Variants in CLEC2L observed in about 807,000 individuals in gnomAD.
CLEC2L encodes C-type lectin domain family 2, member L.
CLEC2L carries 14 observed loss-of-function variants against 23.6 expected under a neutral mutation model. The observed-to-expected ratio is 0.59, with a 90% CI of 0.39 to 0.93. The LOEUF is 0.93. CLEC2L is among the 40% of genes least tolerant of loss of function. CLEC2L has a pLI of 0.00. For missense variants in CLEC2L, 264 were observed against 282.4 expected, an observed-to-expected ratio of 0.93 and a Z score of 0.47; for synonymous variants, 114 against 121.3, an observed-to-expected ratio of 0.94 and a Z score of 0.40.
chr7:139,541,154 G>C (rs113422230), intron 3 of CLEC2L, among the ~76,000 whole-genome samples: 3,947 of 152,078 alleles, frequency 0.026, 163 homozygotes, highest in African/African-American at 0.089. Context: ...GACTGCAGCT[G>C]TGCACCACCA....
At chr7:139,542,463 C>A (rs890222113) in intron 4 of CLEC2L, among the ~76,000 whole-genome samples, 2 of 152,194 alleles carry the variant, frequency 1.3e-5, no homozygotes, top group African/African-American at 2.4e-5. Flanking sequence ...TCAGCCAGAA[C>A]GGGACAGAGA....
At chr7:139,543,310 G>A (rs1231789586) in intron 4 of CLEC2L, among the ~76,000 whole-genome samples, 1 of 152,162 alleles carries the variant, frequency 6.6e-6, no homozygotes, top group Non-Finnish European at 1.5e-5. Context: ...TGGCTGAGGA[G>A]GTCTTGCGCT....
At chr7:139,529,583 C>T (rs1450677889) in intron 1 of CLEC2L, among the ~76,000 whole-genome samples, 5 of 152,168 alleles carry the variant, frequency 3.3e-5, no homozygotes, top group African/African-American at 1.2e-4. Context: ...ACAGAGAGAG[C>T]CCAGTCCTCC....
intron 4 of CLEC2L, among the ~76,000 whole-genome samples, chr7:139,543,442 A>T (rs930709804): frequency 6.6e-6 from 1 of 152,186 alleles, no homozygotes; most frequent in Non-Finnish European, 1.5e-5. Flanking sequence ...CAGACACTGC[A>T]GAGGTCCTTT....
At chr7:139,527,575 G>GTA (rs1797522636) in intron 1 of CLEC2L, among the ~76,000 whole-genome samples, 1 of 152,184 alleles carries the variant, frequency 6.6e-6, no homozygotes, top group South Asian at 2.1e-4. Flanking sequence ...CCAGCCTGGG[G>GTA]TATAAGGCTA....
chr7:139,541,991 C>A (rs1797741279), intron 3 of CLEC2L, 30 bp from the exon 4 acceptor site: 2 of 1,504,874 alleles, frequency 1.3e-6, no homozygotes, highest in Non-Finnish European at 1.8e-6. Context: ...CCGCATCTGA[C>A]CCTGAGGTGT....
intron 1 of CLEC2L, among the ~76,000 whole-genome samples, chr7:139,530,344 G>A (rs1043695011): frequency 6.6e-6 from 1 of 152,218 alleles, no homozygotes; most frequent in Non-Finnish European, 1.5e-5. Flanking sequence ...AGAGAGCAGA[G>A]GAGTTACCTG....
chr7:139,526,311 C>A (rs937385787), intron 1 of CLEC2L, among the ~76,000 whole-genome samples: 1 of 152,024 alleles, frequency 6.6e-6, no homozygotes, highest in Non-Finnish European at 1.5e-5. Context: ...CTAGTTTGTC[C>A]CATGTAGGAA....
At chr7:139,542,813 C>G (rs766333553) in intron 4 of CLEC2L, among the ~76,000 whole-genome samples, 1 of 151,940 alleles carries the variant, frequency 6.6e-6, no homozygotes, top group Non-Finnish European at 1.5e-5. Context: ...GAGTGGGTGG[C>G]AGATGTGTGG....
chr7:139,537,813 G>A (rs971739386), intron 2 of CLEC2L, among the ~76,000 whole-genome samples: 1 of 152,242 alleles, frequency 6.6e-6, no homozygotes, highest in Non-Finnish European at 1.5e-5. Flanking sequence ...AACATGCTAA[G>A]TGGAAGAGGC....
At position 139,544,277 on chromosome 7, in the gene CLEC2L, A is replaced by G. The variant is rs199692976; in HGVS notation, c.580A>G (p.Arg194Gly). The change falls in exon 5 of 5, where the codon AGG becomes GGG. Residue 194 changes from arginine to glycine, a missense_variant. Physicochemically the swap from Arg to Gly is moderately radical, Grantham distance 125. Transcript: ENST00000422142. ...PGECVFVEPT[R>G]LVSTECLMTR... Reference sequence around the variant, plus strand: ...GGAGTGTGTCTTCGTGGAGCCCACCAGGCTGGTGTCGACGGAGTGTCTGAT... The same window carrying G: ...GGAGTGTGTCTTCGTGGAGCCCACCGGGCTGGTGTCGACGGAGTGTCTGAT... The G allele has an allele frequency of 6.2e-7, 1 of 1,613,542 alleles. No individual in the cohort carries two copies. Among genetic ancestry groups the G allele is most frequent in the Non-Finnish European group, 8.5e-7 (1 of 1,179,740 alleles).
At chr7:139,524,296 G>A (rs1319345333) in intron 1 of CLEC2L, among the ~76,000 whole-genome samples, 179 bp downstream of exon 1, 2 of 152,226 alleles carry the variant, frequency 1.3e-5, no homozygotes, top group Admixed American at 1.3e-4. Context: ...TCGTGGGGTG[G>A]GGTGGGAGGG....
intron 1 of CLEC2L, among the ~76,000 whole-genome samples, chr7:139,533,295 CA>C (rs1447903982): frequency 2.6e-5 from 4 of 152,054 alleles, no homozygotes; most frequent in South Asian, 2.1e-4. Context: ...GAGCTAATAC[CA>C]AAAGAGTCAG....
chr7:139,540,953 G>C lies in CLEC2L; in HGVS notation c.432+466G>C, dbSNP rs934486971. Reference sequence around the variant, plus strand: ...GTGCCTGTAGTCCCAGCTACTTAGGGGGCTGAGGCAGGAGGATCACAGGAG... The same window carrying C: ...GTGCCTGTAGTCCCAGCTACTTAGGCGGCTGAGGCAGGAGGATCACAGGAG... On this transcript the variant is annotated intron_variant, in intron 3 of 4. Transcript: ENST00000422142. The surrounding 1 kb of genome is among the most constrained non-coding windows in gnomAD (Gnocchi z 5.8). 1.3e-5 allele frequency among the ~76,000 whole-genome samples: 2 copies of C among 151,832 alleles called. No homozygotes were observed. The highest frequency in any genetic ancestry group is 2.9e-5 in the Non-Finnish European group (2 of 67,956).
In CLEC2L at chr7:139,542,041, G is replaced by A. The variant is rs761560898; in HGVS notation, c.453G>A (p.Thr151=). Residue 151 remains threonine, a synonymous_variant, in exon 4 of 5, where the codon ACG becomes ACA. Coordinates refer to ENST00000422142, the MANE Select transcript of CLEC2L (RefSeq NM_001080511.4). ...TGCAGGAATTTATGTTCAAGTTCAC[G>A]CGGAGGGAGCCCTGGATTGGACTAC... The part of the protein sequence containing the change: ...QKELEFMFKF[T]RREPWIGLRR... The A allele has an allele frequency of 6.2e-7, 1 of 1,612,706 alleles. No homozygotes were observed. The highest frequency in any genetic ancestry group is 8.5e-7 in the Non-Finnish European group (1 of 1,179,430).
At chr7:139,525,673 G>A (rs1297510225) in intron 1 of CLEC2L, among the ~76,000 whole-genome samples, 2 of 152,088 alleles carry the variant, frequency 1.3e-5, no homozygotes. Context: ...TCATTTATTC[G>A]TCAGCATTTC....
At chr7:139,528,595 C>T (rs1797537084) in intron 1 of CLEC2L, among the ~76,000 whole-genome samples, 1 of 152,110 alleles carries the variant, frequency 6.6e-6, no homozygotes, top group Non-Finnish European at 1.5e-5. Context: ...AAAAACCTGC[C>T]CCCATGATTC....
intron 1 of CLEC2L, among the ~76,000 whole-genome samples, chr7:139,530,973 C>A (rs1222743462): frequency 6.6e-6 from 1 of 152,158 alleles, no homozygotes; most frequent in Admixed American, 6.6e-5. Flanking sequence ...AAAGCCTCCT[C>A]CATGGACTCT....
intron 1 of CLEC2L, among the ~76,000 whole-genome samples, chr7:139,531,847 T>C (rs1797587363): frequency 6.6e-6 from 1 of 151,348 alleles, no homozygotes; most frequent in South Asian, 2.1e-4. Flanking sequence ...GAGGTGGAGG[T>C]TGCAGTGAGC....
Sources: allele counts gnomAD v4.1 joint callset (sites outside exome capture counted in the v4.1 genomes callset), GRCh38; gene constraint gnomAD v4.1.1; non-coding constraint Gnocchi (gnomAD v3.1); transcripts MANE v1.5; gene names NCBI Gene and HGNC (gene_info 2026-07-23, HGNC 2026-07-21).